PRDM11: variants seen among roughly 807,000 people sequenced by gnomAD.
PRDM11 encodes the protein PR/SET domain 11.
PRDM11 carries 20 observed loss-of-function variants against 97.8 expected under a neutral mutation model. The observed-to-expected ratio is 0.20, with a 90% CI of 0.14 to 0.30. PRDM11 has a LOEUF of 0.30. Among genes scored for constraint, PRDM11 ranks in the 10% least tolerant of loss-of-function variants. The probability of loss-of-function intolerance (pLI) is 1.00; values close to 1 mark genes in which losing one functional copy is unlikely to be tolerated. For missense variants in PRDM11, 1,139 were observed against 1,555.2 expected, an observed-to-expected ratio of 0.73 and a Z score of 4.50; for synonymous variants, 599 against 637.7, an observed-to-expected ratio of 0.94 and a Z score of 0.91.
At chr11:45,159,175 G>A (rs1420549194) in intron 1 of PRDM11, among the ~76,000 whole-genome samples, 1 of 152,216 alleles carries the variant, frequency 6.6e-6, no homozygotes, top group Non-Finnish European at 1.5e-5. Flanking sequence ...CCAGGACAGT[G>A]GCCAAGAAAG....
At chr11:45,199,255 C>T (rs1454802771) in intron 4 of PRDM11, among the ~76,000 whole-genome samples, 1 of 152,070 alleles carries the variant, frequency 6.6e-6, no homozygotes, top group Non-Finnish European at 1.5e-5. Context: ...TTTTTTCAGC[C>T]TCCCTGCTAG....
At chr11:45,214,870 C>T (rs1853911272) in intron 5 of PRDM11, among the ~76,000 whole-genome samples, 1 of 152,132 alleles carries the variant, frequency 6.6e-6, no homozygotes, top group African/African-American at 2.4e-5. Context: ...GCTCAAGTGC[C>T]CCTTGATTTC....
rs182515474 is a variant in PRDM11, at chr11:45,103,753, A to C, written c.96+7852A>C. 2.0e-5 allele frequency among the ~76,000 whole-genome samples: 3 copies of C among 148,114 alleles called. No individual in the cohort carries two copies. In the East Asian group the frequency reaches 5.8e-4, roughly 29 times the overall value. ...TATATATAGTATATATAATATAAAC[A>C]TATAATATATAACATATATATTATA... On this transcript the variant is annotated intron_variant, in intron 1 of 6. Transcript: ENST00000530656.
chr11:45,157,728 G>T lies in PRDM11; in HGVS notation c.-7+10851G>T, dbSNP rs546322752. On this transcript the variant is annotated intron_variant, in intron 1 of 7. Transcript: ENST00000683152. ...AGCATGGCCTTTCCAGGCTGGCCTG[G>T]TTGGTGGGGTCACACCTGGGGTCAT... Among the ~76,000 whole-genome samples, 8 of 152,376 alleles carry T rather than the reference G, an allele frequency of 5.3e-5. No individual in the cohort carries two copies. In the South Asian group the frequency reaches 1.7e-3, roughly 32 times the overall value.
chr11:45,144,630 C>T (rs896884791), upstream of PRDM11, among the ~76,000 whole-genome samples: 4 of 152,208 alleles, frequency 2.6e-5, no homozygotes, highest in African/African-American at 9.7e-5. Flanking sequence ...TCTGCCTCAC[C>T]CTCTACCCCA....
rs1216416702 is a variant in PRDM11 at position 45,232,852 on chromosome 11, G to A, written c.*4693G>A. ...AATGTTTGCATGTTAGCCAGAGGGAGAAAAAGTGCCCTTTTGGGAGGAAAA... is the reference window on the plus strand; with the variant it reads ...AATGTTTGCATGTTAGCCAGAGGGAAAAAAAGTGCCCTTTTGGGAGGAAAA... On this transcript the variant is annotated 3_prime_UTR_variant, in exon 8 of 8. Coordinates refer to ENST00000683152, the MANE Select transcript of PRDM11 (RefSeq NM_001384648.1). The A allele has an allele frequency of 1.3e-5, 2 of 152,146 alleles. No homozygotes were observed. Among genetic ancestry groups the A allele is most frequent in the African/African-American group, 4.8e-5 (2 of 41,422 alleles). 9.4% of individuals were successfully genotyped at this position (152,146 alleles called of 1,614,324 possible).
chr11:45,103,142 C>T (rs1369465178), intron 1 of PRDM11, among the ~76,000 whole-genome samples: 2 of 152,184 alleles, frequency 1.3e-5, no homozygotes, highest in Admixed American at 6.5e-5. Flanking sequence ...TTGCCTCTGC[C>T]ATGTCTACTG....
Position 45,227,842 on chromosome 11 carries a change from A to G in PRDM11, c.3217A>G (p.Lys1073Glu). 6.5e-7 allele frequency: 1 copy of G among 1,533,944 alleles called. No individual in the cohort carries two copies. Among genetic ancestry groups the G allele is most frequent in the South Asian group, 1.2e-5 (1 of 83,962 alleles). The change falls in exon 8 of 8, where the codon AAG becomes GAG. Residue 1073 changes from lysine (K) to glutamate (E), a missense_variant. By Grantham distance (56) the Lys-to-Glu change is moderately conservative (BLOSUM62 1). Transcript: ENST00000683152. This position sits in a 1 kb window ranked among gnomAD's most constrained non-coding sequence, Gnocchi z 8.0. Reference protein sequence around the residue: ...KYKQRFPLLNKIIQVLKVLPT... With the variant: ...KYKQRFPLLNEIIQVLKVLPT... Reference sequence around the variant, plus strand: ...CAAACAGAGGTTTCCACTCTTGAACAAGATCATCCAGGTTCTTAAAGTCCT... The same window carrying G: ...CAAACAGAGGTTTCCACTCTTGAACGAGATCATCCAGGTTCTTAAAGTCCT...
At chr11:45,172,586 C>A (rs1189451163) in intron 1 of PRDM11, among the ~76,000 whole-genome samples, 3 of 152,168 alleles carry the variant, frequency 2.0e-5, no homozygotes, top group Non-Finnish European at 4.4e-5. Flanking sequence ...ATACAGTCAA[C>A]CCCTCCTATC....
At position 45,170,444 on chromosome 11, in the gene PRDM11, C is replaced by A. The variant is rs139161471; in HGVS notation, c.-6-11317C>A. On this transcript the variant is annotated intron_variant, in intron 1 of 7. Coordinates refer to ENST00000683152, the MANE Select transcript of PRDM11 (RefSeq NM_001384648.1). ...CAGAGAAAGTAACATTGAGTGAATG[C>A]CTAGAGGGAGTAGGGGAGCAAGCCA... is the stretch of plus-strand genomic sequence containing the variant. 5.3e-5 allele frequency among the ~76,000 whole-genome samples: 8 copies of A among 152,220 alleles called. No individual in the cohort carries two copies. The East Asian group carries it at 1.4e-3, about 26-fold the overall frequency.
chr11:45,123,678 G>A (rs1271037442), intron 1 of PRDM11, among the ~76,000 whole-genome samples: 3 of 149,910 alleles, frequency 2.0e-5, no homozygotes, highest in East Asian at 3.9e-4. Flanking sequence ...TATTTCTGAG[G>A]GCTCTGTTCT....
chr11:45,179,719 T>C (rs145595471), intron 1 of PRDM11, among the ~76,000 whole-genome samples: 165 of 152,306 alleles, frequency 1.1e-3, no homozygotes, highest in African/African-American at 3.8e-3. Flanking sequence ...CACAGCCCCA[T>C]CTGCAAATAC....
intron 1 of PRDM11, among the ~76,000 whole-genome samples, chr11:45,180,721 C>A (rs1349854700): frequency 4.0e-5 from 6 of 149,858 alleles, no homozygotes; most frequent in Admixed American, 3.3e-4. Flanking sequence ...GGGCAGGGAG[C>A]TCCCCGCCGG....
At chr11:45,116,550 A>T (rs1012736566) in intron 1 of PRDM11, among the ~76,000 whole-genome samples, 4 of 152,246 alleles carry the variant, frequency 2.6e-5, no homozygotes, top group Non-Finnish European at 5.9e-5. Flanking sequence ...CCTTGGTGAA[A>T]GTAGAAATCA....
intron 1 of PRDM11, among the ~76,000 whole-genome samples, chr11:45,116,143 G>T (rs1416829616): frequency 6.6e-6 from 1 of 151,934 alleles, no homozygotes; most frequent in African/African-American, 2.4e-5. Flanking sequence ...ACATAAAAAA[G>T]CAATCCTGAC....
intron 1 of PRDM11, among the ~76,000 whole-genome samples, chr11:45,125,563 G>A (rs927037523): frequency 1.6e-4 from 24 of 152,302 alleles, no homozygotes; most frequent in African/African-American, 5.8e-4. Flanking sequence ...TGGTTTCAAA[G>A]AACATCTTTA....
chr11:45,170,617 G>A (rs1174102486), intron 1 of PRDM11, among the ~76,000 whole-genome samples: 1 of 151,550 alleles, frequency 6.6e-6, no homozygotes, highest in African/African-American at 2.4e-5. Context: ...GGAACAAACT[G>A]TCAGGCCAGC....
intron 4 of PRDM11, among the ~76,000 whole-genome samples, chr11:45,196,742 G>A (rs920845152): frequency 2.6e-5 from 4 of 152,184 alleles, no homozygotes; most frequent in African/African-American, 9.7e-5. Flanking sequence ...CCTGAGGCTG[G>A]TCCATAGTCC....
At chr11:45,127,205 T>G (rs1373315217) in intron 1 of PRDM11, among the ~76,000 whole-genome samples, 1 of 152,224 alleles carries the variant, frequency 6.6e-6, no homozygotes, top group Non-Finnish European at 1.5e-5. Flanking sequence ...TTTAAGCACT[T>G]CTCTGCATTG....
Sources: gnomAD v4.1 joint callset for allele counts (sites outside exome capture counted in the v4.1 genomes callset) on GRCh38, gnomAD v4.1.1 for gene constraint, Gnocchi (gnomAD v3.1) non-coding constraint, MANE v1.5 for transcripts, NCBI Gene and HGNC (gene_info 2026-07-23, HGNC 2026-07-21) for gene names.